The following AHRR variants were observed in gnomAD, a reference collection of about 807,000 sequenced individuals.
AHRR encodes aryl hydrocarbon receptor repressor, also known as ahR repressor.
AHRR carries 28 observed loss-of-function variants against 44.0 expected under a neutral mutation model. The observed-to-expected ratio is 0.64, with a 90% CI of 0.47 to 0.87. The LOEUF (loss-of-function observed/expected upper bound fraction) is 0.87, where lower values mean the gene tolerates loss of function less well. Ranked by LOEUF, AHRR falls within the 40% of genes least tolerant of loss-of-function variation. AHRR has a pLI of 0.00. For synonymous variants in AHRR, 434 were observed against 407.0 expected, an observed-to-expected ratio of 1.07 and a Z score of -0.80; for missense variants, 990 against 953.9, an observed-to-expected ratio of 1.04 and a Z score of -0.50.
At chr5:413,313 ATTTT>A in intron 4 of AHRR, 27 bp from the exon 5 acceptor site, 11 of 1,326,912 alleles carry the variant, frequency 8.3e-6, no homozygotes, top group Non-Finnish European at 1.1e-5. Context: ...AGCCAATTCG[ATTTT>A]TTTTTTTGTT....
chr5:415,667 A>G (rs377745335), intron 5 of AHRR, among the ~76,000 whole-genome samples: 3,918 of 59,114 alleles, frequency 0.066, 25 homozygotes, highest in Middle Eastern at 0.11. Context: ...TAGGGGCCGA[A>G]TCTGCCTGGT....
chr5:349,946 A>G (rs564404382), intron 2 of AHRR, among the ~76,000 whole-genome samples: 62 of 152,292 alleles, frequency 4.1e-4, no homozygotes, highest in African/African-American at 1.4e-3. Flanking sequence ...CAGTGTGTCT[A>G]TTTCTAGACT....
Position 371,211 on chromosome 5 carries a change from G to GGGGAAGACCGTGGCT in AHRR, c.245-5390_245-5389insGTGGCTGGGAAGACC, listed in dbSNP as rs1306545110. ...CCCCCATGGACTGCCCAGCCACACT[G>GGGGAAGACCGTGGCT]GGGAAGACCACTGGCTTCACCGAGC... On this transcript the variant is annotated intron_variant, in intron 3 of 10. Transcript: ENST00000684583. Among the ~76,000 whole-genome samples the GGGGAAGACCGTGGCT allele has an allele frequency of 7.9e-5, 12 of 152,174 alleles. No individual in the cohort carries two copies. The East Asian group carries it at 9.6e-4, about 12-fold the overall frequency.
In AHRR at chr5:324,556, C is replaced by T. The variant is rs1035711899; in HGVS notation, c.-11+2737C>T. On this transcript the variant is annotated intron_variant, in intron 1 of 10. Transcript: ENST00000684583. ...ATCCCAGCACCTTGGGAGGCTGAGG[C>T]GGGTGGATCACCTGAGGTCGGGAGT... 3.3e-5 allele frequency among the ~76,000 whole-genome samples: 5 copies of T among 151,416 alleles called. No individual in the cohort carries two copies. The East Asian group carries it at 9.8e-4, about 30-fold the overall frequency.
Position 433,852 on chromosome 5 carries a change from G to A in AHRR, c.1113-1G>A, listed in dbSNP as rs1255759674. On this transcript the variant is annotated splice_acceptor_variant, in intron 10 of 10. Transcript: ENST00000684583. LOFTEE classifies it high-confidence loss of function. ...AAATGGGCCCCGTCTTTTCTCTGCA[G>A]GGACAGGGAGGAGGAGCAGCACAGG... is the stretch of plus-strand genomic sequence containing the variant. 6 of 1,489,652 alleles carry A rather than the reference G, an allele frequency of 4.0e-6. No individual in the cohort carries two copies. Among genetic ancestry groups the A allele is most frequent in the African/African-American group, 1.4e-5 (1 of 69,934 alleles). The allele number at this position is 1,489,652 out of a possible 1,614,324, so 92.3% of individuals were successfully genotyped here.
chr5:415,617 GAGGCC>G (rs1298727032), intron 5 of AHRR, among the ~76,000 whole-genome samples: 1,502 of 148,390 alleles, frequency 0.01, 58 homozygotes, highest in Admixed American at 0.039. Context: ...GGTGGGGCGG[GAGGCC>G]TAGGGGCCGA....
intron 2 of AHRR, among the ~76,000 whole-genome samples, chr5:345,941 C>G (rs538272436): frequency 6.6e-6 from 1 of 152,268 alleles, no homozygotes; most frequent in African/African-American, 2.4e-5. Context: ...TACCTTGTCC[C>G]TCAAGGCTGC....
At chr5:322,101 C>A (rs755814641) in intron 1 of AHRR, among the ~76,000 whole-genome samples, 2 of 151,946 alleles carry the variant, frequency 1.3e-5, no homozygotes, top group Non-Finnish European at 2.9e-5. Context: ...CTTCACTCCC[C>A]GGGCGTTCCG....
intron 1 of AHRR, among the ~76,000 whole-genome samples, chr5:331,791 G>C (rs78503785): frequency 1.3e-5 from 2 of 152,150 alleles, no homozygotes; most frequent in East Asian, 3.9e-4. Flanking sequence ...CTGTGCTTAC[G>C]AAGGATCTAG....
chr5:354,931 C>T (rs11747826), intron 3 of AHRR, among the ~76,000 whole-genome samples: 9,890 of 152,258 alleles, frequency 0.065, 519 homozygotes, highest in Non-Finnish European at 0.087. Flanking sequence ...CCCAGCATCA[C>T]GCGCCGTGTC....
At chr5:433,692 T>TGGG (rs57623448) in intron 10 of AHRR, among the ~76,000 whole-genome samples, 161 bp from the exon 11 acceptor site, 1 of 151,972 alleles carries the variant, frequency 6.6e-6, no homozygotes, top group Non-Finnish European at 1.5e-5. Flanking sequence ...CCTGGGCTGC[T>TGGG]GGGGGGGTTA....
At chr5:356,041 G>A (rs1579618288) in intron 3 of AHRR, among the ~76,000 whole-genome samples, 1 of 152,160 alleles carries the variant, frequency 6.6e-6, no homozygotes, top group Non-Finnish European at 1.5e-5. Context: ...ATTTCATTAC[G>A]GCTGCCATAA....
Position 403,852 on chromosome 5 carries a change from AC to A in AHRR, c.352-9489del, listed in dbSNP as rs1735138729. ...TTCCTTTTTGCTCAAAGGACAAAGA[AC>A]CCACATTAAAGCTTTTCCTCCTTGA... On this transcript the variant is annotated intron_variant, in intron 4 of 10. Coordinates refer to ENST00000684583, the MANE Select transcript of AHRR (RefSeq NM_001377236.1). 3.8e-6 allele frequency: 6 copies of A among 1,576,606 alleles called. No homozygotes were observed. The East Asian group carries it at 1.3e-4, about 35-fold the overall frequency.
chr5:434,110 C>G lies in AHRR; in HGVS notation c.1370C>G (p.Pro457Arg), dbSNP rs1225836221. ...SPISHPPSPS[P>R]SAYSSRTSRP... The stretch of plus-strand genomic sequence containing the variant: ...ATCTCTCACCCGCCGAGCCCGTCCC[C>G]CAGTGCCTACTCCAGCCGGACCAGC... The change falls in exon 11 of 11, where the codon CCC (proline) becomes CGC (arginine). Residue 457 changes from proline (P) to arginine (R), a missense_variant. Physicochemically the swap from Pro to Arg is moderately radical, Grantham distance 103 (BLOSUM62 -2). Transcript: ENST00000684583. 6.2e-7 allele frequency: 1 copy of G among 1,613,118 alleles called. No homozygotes were observed. The highest frequency in any genetic ancestry group is 1.3e-5 in the African/African-American group (1 of 75,070).
chr5:429,633 G>A (rs1033135269), intron 8 of AHRR, among the ~76,000 whole-genome samples: 8 of 152,220 alleles, frequency 5.3e-5, no homozygotes, highest in Non-Finnish European at 7.3e-5. Flanking sequence ...CAGCCTTGCC[G>A]CGCGATCCTG....
At chr5:403,641 A>G in intron 4 of AHRR, 2 of 416,946 alleles carry the variant, frequency 4.8e-6, no homozygotes, top group South Asian at 5.7e-5. Context: ...CCGTTTCAGA[A>G]AAAAAAAAAA....
chr5:365,913 C>A (rs1743345649), intron 3 of AHRR, among the ~76,000 whole-genome samples: 1 of 152,088 alleles, frequency 6.6e-6, no homozygotes, highest in Admixed American at 6.6e-5. Context: ...AAAGCAATTT[C>A]TACCAAATAG....
intron 3 of AHRR, among the ~76,000 whole-genome samples, chr5:363,533 C>T (rs1430012133): frequency 6.6e-6 from 1 of 152,208 alleles, no homozygotes; most frequent in Non-Finnish European, 1.5e-5. Context: ...ACTATGACCC[C>T]ACCTGGTCCA....
chr5:411,103 A>C lies in AHRR; in HGVS notation c.352-2241A>C, dbSNP rs958462292. 2.6e-5 allele frequency among the ~76,000 whole-genome samples: 4 copies of C among 151,882 alleles called. No individual in the cohort carries two copies. Among genetic ancestry groups the C allele is most frequent in the African/African-American group, 9.7e-5 (4 of 41,346 alleles). ...AAAAATTCAAATTTTGACTCTGTTA[A>C]TGGCCTTTATTATTTGACTGTTCTA... On this transcript the variant is annotated intron_variant, in intron 4 of 10. Transcript: ENST00000684583. This position sits in a 1 kb window ranked among gnomAD's most constrained non-coding sequence, Gnocchi z 4.2.
Sources: allele counts gnomAD v4.1 joint callset (sites outside exome capture counted in the v4.1 genomes callset), GRCh38; gene constraint gnomAD v4.1.1; non-coding constraint Gnocchi (gnomAD v3.1); transcripts MANE v1.5; gene names NCBI Gene and HGNC (gene_info 2026-07-23, HGNC 2026-07-21).